Variants in GNA14 observed in about 807,000 individuals in gnomAD.
GNA14 encodes the protein G protein subunit alpha 14, also known as guanine nucleotide-binding protein subunit alpha-14.
In GNA14, 50 loss-of-function variants were observed where a neutral mutation model predicts 42.0. The observed-to-expected ratio is 1.19, with a 90% confidence interval of 0.95 to 1.51. The LOEUF is 1.51. GNA14 is among the 40% of genes most tolerant of loss of function. The pLI is 0.00. For missense variants in GNA14, 473 were observed against 446.2 expected (o/e 1.06, Z -0.54); for synonymous variants, 173 against 163.1 (o/e 1.06, Z -0.46).
chr9:77,540,866 C>T (rs903597955), intron 1 of GNA14, among the ~76,000 whole-genome samples: 1 of 151,998 alleles, frequency 6.6e-6, no homozygotes, highest in Non-Finnish European at 1.5e-5. Flanking sequence ...AAGTGGGTTT[C>T]TTGTAGGCAG....
At chr9:77,482,145 T>C (rs1319930488) in intron 2 of GNA14, among the ~76,000 whole-genome samples, 1 of 152,210 alleles carries the variant, frequency 6.6e-6, no homozygotes, top group Non-Finnish European at 1.5e-5. Context: ...TTCCTAGCCT[T>C]GATCGTCTTT....
intron 2 of GNA14, among the ~76,000 whole-genome samples, chr9:77,447,955 C>T (rs902766918): frequency 5.3e-5 from 8 of 152,230 alleles, no homozygotes; most frequent in Non-Finnish European, 1.0e-4. Flanking sequence ...GTCTACCACT[C>T]ACAGAGTCTT....
rs34368561 is a variant in GNA14 at position 77,623,216 on chromosome 9, C to CAAAAAAAAAAAAAAAAAAAAAAA, written c.124+24431_124+24453dup. ...TGGGCAAAAGAGTGAGACGCTGTCTCAAAAAAAAAAAAAAAAAAAAAAAAA... is the reference window on the plus strand; with the variant it reads ...TGGGCAAAAGAGTGAGACGCTGTCTCAAAAAAAAAAAAAAAAAAAAAAAAAAAAAAAAAAAAAAAAAAAAAAAA... On this transcript the variant is annotated intron_variant, in intron 1 of 6. Transcript: ENST00000341700. 1.5e-4 allele frequency among the ~76,000 whole-genome samples: 4 copies of CAAAAAAAAAAAAAAAAAAAAAAA among 26,852 alleles called. 2 individuals carry two copies. Among genetic ancestry groups the CAAAAAAAAAAAAAAAAAAAAAAA allele is most frequent in the Non-Finnish European group, 2.6e-4 (2 of 7,782 alleles). The allele number at this position is 26,852 out of a possible 152,430, so 17.6% of individuals were successfully genotyped here. A position where few individuals can be genotyped will look rare whatever the true frequency, so the allele number is the denominator to read the frequency against.
intron 2 of GNA14, among the ~76,000 whole-genome samples, chr9:77,446,551 G>A (rs1304237114): frequency 6.6e-6 from 1 of 152,122 alleles, no homozygotes; most frequent in African/African-American, 2.4e-5. Flanking sequence ...TGCCATGACT[G>A]GGCCTGACCT....
At chr9:77,603,956 CAAA>C (rs67044542) in intron 1 of GNA14, among the ~76,000 whole-genome samples, 81 of 81,580 alleles carry the variant, frequency 9.9e-4, no homozygotes, top group East Asian at 1.6e-3. Context: ...AAAAAAAAAA[CAAA>C]AAAAAAAAAA....
intron 1 of GNA14, among the ~76,000 whole-genome samples, chr9:77,617,243 A>C (rs568221287): frequency 6.6e-6 from 1 of 152,216 alleles, no homozygotes; most frequent in Non-Finnish European, 1.5e-5. Flanking sequence ...GAAAATGTCT[A>C]AAAACAGAAC....
At chr9:77,510,501 AT>A (rs1837145876) in intron 2 of GNA14, among the ~76,000 whole-genome samples, 1 of 152,124 alleles carries the variant, frequency 6.6e-6, no homozygotes, top group Admixed American at 6.5e-5. Flanking sequence ...TGCCCGGCTA[AT>A]TTTTGTATTT....
intron 2 of GNA14, among the ~76,000 whole-genome samples, chr9:77,525,850 G>A (rs1267113126): frequency 6.7e-6 from 1 of 149,068 alleles, no homozygotes; most frequent in Non-Finnish European, 1.5e-5. Context: ...GCCCCAGGAT[G>A]GTTTGTACCC....
chr9:77,611,501 T>G (rs538049391), intron 1 of GNA14, among the ~76,000 whole-genome samples: 15 of 152,284 alleles, frequency 9.9e-5, no homozygotes, highest in Middle Eastern at 3.4e-3. Context: ...CCAACATCTT[T>G]GAAAGGAGAG....
intron 2 of GNA14, among the ~76,000 whole-genome samples, chr9:77,474,589 C>T (rs536025898): frequency 2.0e-5 from 3 of 152,288 alleles, no homozygotes; most frequent in Admixed American, 6.5e-5. Context: ...AATAGTTTGA[C>T]ATTTCCTCAC....
chr9:77,608,685 A>T (rs563259617), intron 1 of GNA14, among the ~76,000 whole-genome samples: 2 of 149,400 alleles, frequency 1.3e-5, no homozygotes, highest in South Asian at 4.2e-4. Flanking sequence ...TTCACAGCCA[A>T]ATGGCCCCAT....
At chr9:77,496,854 C>T (rs558076614) in intron 2 of GNA14, among the ~76,000 whole-genome samples, 3 of 152,242 alleles carry the variant, frequency 2.0e-5, no homozygotes, top group South Asian at 2.1e-4. Context: ...TGGAATATTT[C>T]GAACAAACAC....
At chr9:77,466,866 T>C (rs562170829) in intron 2 of GNA14, among the ~76,000 whole-genome samples, 5 of 152,316 alleles carry the variant, frequency 3.3e-5, no homozygotes, top group African/African-American at 1.2e-4. Context: ...ATGGAGCCTC[T>C]GAAGTCTCTG....
chr9:77,586,803 T>C (rs1252490387), intron 1 of GNA14, among the ~76,000 whole-genome samples: 1 of 152,220 alleles, frequency 6.6e-6, no homozygotes. Context: ...CAGCGCCATG[T>C]TGCCTGTTCC....
intron 2 of GNA14, among the ~76,000 whole-genome samples, chr9:77,502,171 C>T (rs529761531): frequency 3.3e-4 from 50 of 152,238 alleles, no homozygotes; most frequent in Non-Finnish European, 1.3e-4. Flanking sequence ...TTTGTTGAGA[C>T]TATTTTTTCC....
intron 6 of GNA14, among the ~76,000 whole-genome samples, chr9:77,424,861 A>G (rs986791398): frequency 6.6e-6 from 1 of 152,138 alleles, no homozygotes; most frequent in Non-Finnish European, 1.5e-5. Flanking sequence ...GTGCTACACT[A>G]CACAGCCAGT....
At chr9:77,591,936 A>G (rs1345618729) in intron 1 of GNA14, among the ~76,000 whole-genome samples, 1 of 134,794 alleles carries the variant, frequency 7.4e-6, no homozygotes, top group African/African-American at 2.9e-5. Flanking sequence ...TTTTTTTGAG[A>G]TGGAGTCTCG....
chr9:77,425,235 G>C (rs545885908), intron 6 of GNA14, among the ~76,000 whole-genome samples: 2 of 152,150 alleles, frequency 1.3e-5, no homozygotes, highest in African/African-American at 4.8e-5. Context: ...AAAGGAGGAG[G>C]CACCCTTCCT....
At chr9:77,538,993 C>T (rs1776704974) in intron 1 of GNA14, among the ~76,000 whole-genome samples, 2 of 152,126 alleles carry the variant, frequency 1.3e-5, no homozygotes. Context: ...ATTTGGATGC[C>T]TTTGATTTCT....
Sources: allele counts gnomAD v4.1 joint callset (sites outside exome capture counted in the v4.1 genomes callset), GRCh38; gene constraint gnomAD v4.1.1; transcripts MANE v1.5; gene names NCBI Gene and HGNC (gene_info 2026-07-23, HGNC 2026-07-21).